TMEM245: variants seen among roughly 807,000 people sequenced by gnomAD.
TMEM245 encodes the protein protein CG-2.
TMEM245 carries 69 observed loss-of-function variants against 101.2 expected under a neutral mutation model. That is an observed-to-expected ratio of 0.68 (90% CI 0.56 to 0.83). The LOEUF is 0.83. TMEM245 is among the 40% of genes least tolerant of loss of function. The pLI, the probability that TMEM245 is intolerant of heterozygous loss-of-function variation, is 0.00. For synonymous variants in TMEM245, 537 were observed against 449.8 expected (o/e 1.19, Z -2.45); for missense variants, 1,075 against 1,092.8 (o/e 0.98, Z 0.23).
intron 1 of TMEM245, among the ~76,000 whole-genome samples, chr9:109,113,447 T>C (rs1444177903): frequency 6.6e-6 from 1 of 152,256 alleles, no homozygotes; most frequent in Non-Finnish European, 1.5e-5. Context: ...TCCAAACTTA[T>C]GTTCTCCAAA....
At chr9:109,063,093 T>A (rs1829062765) in intron 10 of TMEM245, among the ~76,000 whole-genome samples, 1 of 152,144 alleles carries the variant, frequency 6.6e-6, no homozygotes, top group Non-Finnish European at 1.5e-5. Flanking sequence ...TTGAGAGCCA[T>A]CTAATTTGAG....
chr9:109,105,025 A>C (rs1211357863), intron 3 of TMEM245, among the ~76,000 whole-genome samples: 1 of 152,226 alleles, frequency 6.6e-6, no homozygotes, highest in Non-Finnish European at 1.5e-5. Context: ...TTCATCAAAA[A>C]AATTTCTTTG....
At chr9:109,053,935 C>T (rs1163672005) in intron 12 of TMEM245, among the ~76,000 whole-genome samples, 1 of 152,208 alleles carries the variant, frequency 6.6e-6, no homozygotes. Context: ...ATGAGCTCTG[C>T]TATCTTCTCT....
chr9:109,077,176 A>C (rs1829536476), intron 8 of TMEM245, among the ~76,000 whole-genome samples: 2 of 151,670 alleles, frequency 1.3e-5, no homozygotes, highest in African/African-American at 2.4e-5. Flanking sequence ...TTTGAGACAA[A>C]GTCTTGCTCT....
chr9:109,092,733 T>C (rs762605731), intron 4 of TMEM245, among the ~76,000 whole-genome samples: 1 of 152,222 alleles, frequency 6.6e-6, no homozygotes, highest in Admixed American at 6.5e-5. Flanking sequence ...CTAATGGATC[T>C]CTCAGCACAG....
intron 1 of TMEM245, 29 bp downstream of exon 1, chr9:109,119,306 G>A: frequency 6.6e-7 from 1 of 1,515,232 alleles, no homozygotes; most frequent in South Asian, 1.2e-5. Flanking sequence ...CCACGGGCGG[G>A]GGACGGGGGC....
chr9:109,053,036 T>TA (rs1828732599), intron 12 of TMEM245, among the ~76,000 whole-genome samples: 1 of 152,212 alleles, frequency 6.6e-6, no homozygotes, highest in African/African-American at 2.4e-5. Context: ...GTTTAATTTA[T>TA]ATGTCAGGCT....
intron 5 of TMEM245, among the ~76,000 whole-genome samples, chr9:109,089,158 G>C (rs1829926938): frequency 6.6e-6 from 1 of 151,852 alleles, no homozygotes; most frequent in Non-Finnish European, 1.5e-5. Context: ...CTATCTGAGG[G>C]GCTGAGGCAG....
At chr9:109,092,280 T>C (rs951008154) in intron 4 of TMEM245, among the ~76,000 whole-genome samples, 2 of 152,156 alleles carry the variant, frequency 1.3e-5, no homozygotes, top group East Asian at 3.9e-4. Flanking sequence ...ATAATTTTCA[T>C]AAGCAATCAT....
chr9:109,046,692 C>T (rs965449164), intron 14 of TMEM245, among the ~76,000 whole-genome samples: 2 of 152,168 alleles, frequency 1.3e-5, no homozygotes, highest in African/African-American at 4.8e-5. Context: ...TGATTAATGA[C>T]TGATGCTTAT....
chr9:109,058,439 A>G (rs1431433114), intron 11 of TMEM245, among the ~76,000 whole-genome samples: 1 of 152,152 alleles, frequency 6.6e-6, no homozygotes, highest in Admixed American at 6.5e-5. Flanking sequence ...ACTAAATTTG[A>G]AAGAGATAAG....
In TMEM245 at chr9:109,105,898, G is replaced by A. The variant is rs924615464; in HGVS notation, c.799+610C>T. ...AGCAATTCTTCTGCCTCAGCCTCCC[G>A]AGTAGCAGGGACTACAGGCACATGC... On this transcript the variant is annotated intron_variant, in intron 3 of 17. Coordinates refer to ENST00000374586, the MANE Select transcript of TMEM245 (RefSeq NM_032012.4). Among the ~76,000 whole-genome samples the A allele has an allele frequency of 1.2e-4, 19 of 152,098 alleles. 1 individual carries two copies. In the South Asian group the frequency reaches 3.1e-3, roughly 25 times the overall value.
At chr9:109,067,106 T>C (rs970468339) in intron 9 of TMEM245, among the ~76,000 whole-genome samples, 4 of 150,246 alleles carry the variant, frequency 2.7e-5, no homozygotes, top group Admixed American at 2.7e-4. Context: ...TCTGGACAGA[T>C]CCTTAATGAT....
intron 11 of TMEM245, among the ~76,000 whole-genome samples, chr9:109,057,711 A>G (rs1266158988): frequency 6.6e-6 from 1 of 152,090 alleles, no homozygotes; most frequent in African/African-American, 2.4e-5. Flanking sequence ...AGAATGTACC[A>G]CGGCACTCCA....
intron 12 of TMEM245, 67 bp from the exon 13 acceptor site, chr9:109,050,759 T>C: frequency 6.3e-7 from 1 of 1,586,040 alleles, no homozygotes. Flanking sequence ...AGCCATCTAG[T>C]GTGCTTTTAA....
intron 10 of TMEM245, among the ~76,000 whole-genome samples, chr9:109,060,934 T>C (rs947098990): frequency 7.2e-5 from 11 of 152,212 alleles, no homozygotes; most frequent in Admixed American, 6.5e-4. Context: ...CATTTACAAT[T>C]GATCAGACTG....
intron 4 of TMEM245, among the ~76,000 whole-genome samples, chr9:109,092,267 T>C (rs1830028772): frequency 6.6e-6 from 1 of 152,196 alleles, no homozygotes; most frequent in African/African-American, 2.4e-5. Context: ...TCCCTGTTGT[T>C]TCATAATTTT....
At chr9:109,093,692 G>A in intron 3 of TMEM245, 101 bp from the exon 4 acceptor site, 1 of 926,832 alleles carries the variant, frequency 1.1e-6, no homozygotes, top group Non-Finnish European at 1.8e-6. Flanking sequence ...AAATAAAATG[G>A]TTACTACTGA....
chr9:109,065,180 G>A (rs1053621995), intron 9 of TMEM245, among the ~76,000 whole-genome samples: 1 of 152,152 alleles, frequency 6.6e-6, no homozygotes, highest in African/African-American at 2.4e-5. Context: ...TGAGTCACCT[G>A]CCTTATTCAG....
Sources: allele counts gnomAD v4.1 joint callset (sites outside exome capture counted in the v4.1 genomes callset), GRCh38; gene constraint gnomAD v4.1.1; transcripts MANE v1.5; gene names NCBI Gene and HGNC (gene_info 2026-07-23, HGNC 2026-07-21).